The following ANO4 variants were observed in gnomAD, a reference collection of about 807,000 sequenced individuals.
The protein encoded by ANO4 is anoctamin 4, also known as anoctamin-4.
ANO4 carries 69 observed loss-of-function variants against 141.9 expected under a neutral mutation model. The observed-to-expected ratio is 0.49, with a 90% CI of 0.40 to 0.59. ANO4 has a LOEUF of 0.59. Ranked by LOEUF, ANO4 falls within the 20% of genes least tolerant of loss-of-function variation. The pLI is 0.00. For synonymous variants in ANO4, 350 were observed against 394.3 expected (o/e 0.89, Z 1.33); for missense variants, 894 against 1,162.2 (o/e 0.77, Z 3.36).
chr12:100,979,615 A>G (rs2044358745), intron 7 of ANO4, among the ~76,000 whole-genome samples: 1 of 152,182 alleles, frequency 6.6e-6, no homozygotes, highest in Non-Finnish European at 1.5e-5. Flanking sequence ...AACAGGAGCC[A>G]AGAGGAGGAA....
chr12:101,085,823 A>G (rs1376919102), intron 16 of ANO4, among the ~76,000 whole-genome samples: 4 of 152,166 alleles, frequency 2.6e-5, no homozygotes, highest in Non-Finnish European at 5.9e-5. Flanking sequence ...TAATTATGCT[A>G]AGGTGCTGTA....
chr12:100,744,089 T>C (rs527566085), intron 3 of ANO4, among the ~76,000 whole-genome samples: 2 of 152,242 alleles, frequency 1.3e-5, no homozygotes, highest in Admixed American at 6.5e-5. Context: ...AGCCATATTT[T>C]CATGTCTGAT....
chr12:101,114,969 A>T (rs1355870548), intron 24 of ANO4, among the ~76,000 whole-genome samples: 1 of 152,054 alleles, frequency 6.6e-6, no homozygotes, highest in East Asian at 1.9e-4. Context: ...GGCCATGATA[A>T]AGCCAGTGAT....
At chr12:100,881,383 C>A (rs11110574) in intron 1 of ANO4, among the ~76,000 whole-genome samples, 1 of 149,058 alleles carries the variant, frequency 6.7e-6, no homozygotes, top group African/African-American at 2.5e-5. Flanking sequence ...TATTCATATT[C>A]TGAATTTTAA....
chr12:100,904,007 AC>A (rs1045428359), intron 2 of ANO4, among the ~76,000 whole-genome samples: 8 of 152,120 alleles, frequency 5.3e-5, no homozygotes, highest in Non-Finnish European at 1.0e-4. Context: ...TTCCCAGGAT[AC>A]CCTGGTTTTG....
intron 1 of ANO4, among the ~76,000 whole-genome samples, chr12:100,851,205 A>C (rs1393771267): frequency 6.6e-6 from 1 of 152,194 alleles, no homozygotes; most frequent in Admixed American, 6.5e-5. Context: ...TGTCCATATC[A>C]TATATTCTTT....
chr12:101,011,524 G>A (rs1413116035), intron 8 of ANO4, among the ~76,000 whole-genome samples: 1 of 152,020 alleles, frequency 6.6e-6, no homozygotes, highest in Non-Finnish European at 1.5e-5. Context: ...CTCCTCAGGT[G>A]TACACTCTTT....
At chr12:100,919,779 TCTA>T in intron 2 of ANO4, among the ~76,000 whole-genome samples, 1 of 149,512 alleles carries the variant, frequency 6.7e-6, no homozygotes, top group African/African-American at 2.5e-5. Context: ...TATCTATCTA[TCTA>T]ATCTATCTGT....
Position 101,066,607 on chromosome 12 carries a change from C to T in ANO4, c.1313-12586C>T, listed in dbSNP as rs191760178. 1,071 of 506,998 alleles carry T rather than the reference C, an allele frequency of 2.1e-3. 1 individual carries two copies. The highest frequency in any genetic ancestry group is 2.7e-3 in the Non-Finnish European group (777 of 284,298). The allele number at this position is 506,998 out of a possible 1,614,324, so 31.4% of individuals were successfully genotyped here. A position where few individuals can be genotyped will look rare whatever the true frequency, so the allele number is the denominator to read the frequency against. On this transcript the variant is annotated intron_variant, in intron 14 of 27. Coordinates refer to ENST00000392977, the MANE Select transcript of ANO4 (RefSeq NM_001286615.2). ...ACACTGACGAAAGAAATGGAAGAGG[C>T]TTTTTCTAGAGATGCCCTGCTGGGA... is the stretch of plus-strand genomic sequence containing the variant.
chr12:100,944,174 G>C (rs1178276483), intron 5 of ANO4, among the ~76,000 whole-genome samples: 1 of 152,046 alleles, frequency 6.6e-6, no homozygotes, highest in Non-Finnish European at 1.5e-5. Context: ...TCCAAATAGC[G>C]CACATTAAAG....
chr12:101,111,101 G>C (rs2050647110), intron 23 of ANO4, among the ~76,000 whole-genome samples: 1 of 152,238 alleles, frequency 6.6e-6, no homozygotes, highest in Non-Finnish European at 1.5e-5. Context: ...GTGTGGAAGA[G>C]AATTGCATGT....
intron 11 of ANO4, among the ~76,000 whole-genome samples, chr12:101,040,553 CA>C (rs2047372813): frequency 6.6e-6 from 1 of 152,140 alleles, no homozygotes; most frequent in Admixed American, 6.5e-5. Context: ...ATCTGCAGAT[CA>C]AAAAGTATAT....
intron 1 of ANO4, among the ~76,000 whole-genome samples, chr12:100,861,234 A>G (rs1363161150): frequency 6.6e-6 from 1 of 152,132 alleles, no homozygotes; most frequent in East Asian, 1.9e-4. Context: ...GTAAGACAGG[A>G]AAGTTCTCCA....
Position 100,831,192 on chromosome 12 carries a change from T to G in ANO4, c.-141+36165T>G, listed in dbSNP as rs2036612961. ...CTGGATGACTTTTCCTTGAGGTTGT[T>G]GCAGACACTCCACAGTCGACATTTA... On this transcript the variant is annotated intron_variant, in intron 1 of 27. Transcript: ENST00000392977. 2.0e-5 allele frequency among the ~76,000 whole-genome samples: 3 copies of G among 152,138 alleles called. No individual in the cohort carries two copies. In the South Asian group the frequency reaches 6.2e-4, roughly 31 times the overall value.
At chr12:101,121,139 T>C (rs1196245185) in intron 26 of ANO4, among the ~76,000 whole-genome samples, 2 of 152,178 alleles carry the variant, frequency 1.3e-5, no homozygotes, top group Non-Finnish European at 2.9e-5. Context: ...CATTGCATGA[T>C]GTTGAGGTTT....
upstream of ANO4, among the ~76,000 whole-genome samples, chr12:100,791,311 G>C (rs2034038394): frequency 6.6e-6 from 1 of 152,124 alleles, no homozygotes; most frequent in Non-Finnish European, 1.5e-5. Flanking sequence ...TTGGGAGGCT[G>C]AGGCAGGAGA....
chr12:101,075,870 G>A (rs1248307208), intron 14 of ANO4, among the ~76,000 whole-genome samples: 1 of 151,990 alleles, frequency 6.6e-6, no homozygotes, highest in Non-Finnish European at 1.5e-5. Context: ...AGTATTCAGA[G>A]GAGGGAGTTT....
intron 2 of ANO4, among the ~76,000 whole-genome samples, chr12:100,736,228 A>G (rs183260064): frequency 5.5e-4 from 84 of 152,284 alleles, no homozygotes; most frequent in Non-Finnish European, 8.5e-4. Context: ...GCTTTTTTCA[A>G]TGAAAATGGA....
intron 8 of ANO4, among the ~76,000 whole-genome samples, chr12:101,008,214 A>G (rs549304784): frequency 6.6e-6 from 1 of 152,258 alleles, no homozygotes; most frequent in East Asian, 1.9e-4. Flanking sequence ...TTAAATTAAA[A>G]TTAGACATGT....
Sources: allele counts gnomAD v4.1 joint callset (sites outside exome capture counted in the v4.1 genomes callset), GRCh38; gene constraint gnomAD v4.1.1; transcripts MANE v1.5; gene names NCBI Gene and HGNC (gene_info 2026-07-23, HGNC 2026-07-21).